Variants in SGCZ observed in about 807,000 individuals in gnomAD.
SGCZ encodes the protein sarcoglycan zeta.
SGCZ carries 40 observed loss-of-function variants against 41.3 expected under a neutral mutation model. That is an observed-to-expected ratio of 0.97 (90% CI 0.75 to 1.26). The LOEUF (loss-of-function observed/expected upper bound fraction) is 1.26, where lower values mean the gene tolerates loss of function less well. SGCZ is among the 50% of genes most tolerant of loss of function. The pLI is 0.00. For synonymous variants in SGCZ, 206 were observed against 137.5 expected (o/e 1.50, Z -3.49); for missense variants, 552 against 369.8 (o/e 1.49, Z -4.04).
At chr8:14,550,141 A>G (rs1253839090) in intron 2 of SGCZ, among the ~76,000 whole-genome samples, 1 of 152,040 alleles carries the variant, frequency 6.6e-6, no homozygotes, top group Non-Finnish European at 1.5e-5. Flanking sequence ...TAAACAACAG[A>G]AATATATTGG....
chr8:14,723,947 T>C (rs1203619642), intron 1 of SGCZ, among the ~76,000 whole-genome samples: 1 of 152,104 alleles, frequency 6.6e-6, no homozygotes, highest in Non-Finnish European at 1.5e-5. Flanking sequence ...AATATGATAA[T>C]GATGAGTTCT....
chr8:14,450,977 A>T (rs1039416103), intron 2 of SGCZ, among the ~76,000 whole-genome samples: 4 of 152,208 alleles, frequency 2.6e-5, no homozygotes, highest in Admixed American at 6.5e-5. Context: ...ATGGCCCATT[A>T]TGATTCAATG....
intron 2 of SGCZ, among the ~76,000 whole-genome samples, chr8:14,510,695 C>T (rs1802442688): frequency 6.6e-6 from 1 of 152,130 alleles, no homozygotes; most frequent in Non-Finnish European, 1.5e-5. Flanking sequence ...AATATTTCTC[C>T]TTGATTGACA....
intron 2 of SGCZ, among the ~76,000 whole-genome samples, chr8:14,346,170 C>T (rs764734998): frequency 5.3e-5 from 8 of 151,834 alleles, no homozygotes; most frequent in Admixed American, 2.0e-4. Flanking sequence ...TAATACAATA[C>T]GTTACTAATA....
intron 1 of SGCZ, among the ~76,000 whole-genome samples, chr8:15,149,543 C>T (rs192995653): frequency 3.6e-4 from 55 of 152,218 alleles, no homozygotes; most frequent in Middle Eastern, 3.4e-3. Context: ...TATGCTCTAG[C>T]CAACCCTCCT....
At chr8:15,042,989 G>T (rs1437472563) in intron 1 of SGCZ, among the ~76,000 whole-genome samples, 1 of 152,122 alleles carries the variant, frequency 6.6e-6, no homozygotes, top group Non-Finnish European at 1.5e-5. Flanking sequence ...AGAACTTCAT[G>T]ATTAGCTATT....
intron 1 of SGCZ, among the ~76,000 whole-genome samples, chr8:14,863,672 A>G (rs1328225128): frequency 6.6e-6 from 1 of 152,152 alleles, no homozygotes; most frequent in Non-Finnish European, 1.5e-5. Flanking sequence ...AGTAAATTCT[A>G]AGAACAGATA....
At chr8:14,125,559 G>C (rs999241627) in intron 5 of SGCZ, among the ~76,000 whole-genome samples, 4 of 149,556 alleles carry the variant, frequency 2.7e-5, no homozygotes, top group African/African-American at 9.8e-5. Context: ...ACTGCCCAAA[G>C]TAATTTACAG....
At chr8:14,396,637 A>G (rs11994850) in intron 2 of SGCZ, among the ~76,000 whole-genome samples, 25,534 of 151,868 alleles carry the variant, frequency 0.17, 5,060 homozygotes, top group African/African-American at 0.48. Flanking sequence ...CATCTAGACA[A>G]CCTGGTAGCT....
At chr8:14,408,974 T>C (rs1226488074) in intron 2 of SGCZ, among the ~76,000 whole-genome samples, 5 of 82,176 alleles carry the variant, frequency 6.1e-5, no homozygotes, top group Admixed American at 1.2e-4. Context: ...TGTGTGTGCA[T>C]GTGTGCGTGT....
At chr8:15,211,533 G>T (rs903011726) in intron 1 of SGCZ, among the ~76,000 whole-genome samples, 1 of 152,040 alleles carries the variant, frequency 6.6e-6, no homozygotes, top group African/African-American at 2.4e-5. Context: ...CAAAAGAGAA[G>T]GTCTCAGATA....
chr8:15,092,743 T>A (rs1184653337), intron 1 of SGCZ, among the ~76,000 whole-genome samples: 1 of 152,210 alleles, frequency 6.6e-6, no homozygotes, highest in Admixed American at 6.5e-5. Context: ...TTTTAATATC[T>A]CTCTATTACA....
intron 1 of SGCZ, among the ~76,000 whole-genome samples, chr8:15,179,103 G>C (rs1172240683): frequency 2.0e-5 from 3 of 151,754 alleles, no homozygotes; most frequent in Non-Finnish European, 4.4e-5. Context: ...AAACCTTCAG[G>C]AAAAAAGAAA....
Position 14,662,401 on chromosome 8 carries a change from A to G in SGCZ, c.40-107475T>C, listed in dbSNP as rs1261201304. 2.6e-5 allele frequency among the ~76,000 whole-genome samples: 4 copies of G among 152,196 alleles called. 1 individual carries two copies. In the South Asian group the frequency reaches 8.3e-4, roughly 31 times the overall value. On this transcript the variant is annotated intron_variant, in intron 1 of 7. Transcript: ENST00000382080. ...TGTTTTCCACATAAATGCTATCAGG[A>G]AAAAGGGAGATAAAGCACCCTTGTG...
Position 14,341,228 on chromosome 8 carries a change from C to A in SGCZ, c.235-17024G>T, listed in dbSNP as rs1456720378. Among the ~76,000 whole-genome samples, 4 of 152,170 alleles carry A rather than the reference C, an allele frequency of 2.6e-5. No individual in the cohort carries two copies. The East Asian group carries it at 7.7e-4, about 29-fold the overall frequency. On this transcript the variant is annotated intron_variant, in intron 2 of 7. Coordinates refer to ENST00000382080, the MANE Select transcript of SGCZ (RefSeq NM_139167.4). The stretch of plus-strand genomic sequence containing the variant: ...CATTTGAATATTGTGAATAACTTTG[C>A]TATGAACAGGGTGTACAAATATCTG...
chr8:14,518,482 T>C (rs1802691366), intron 2 of SGCZ, among the ~76,000 whole-genome samples: 1 of 152,162 alleles, frequency 6.6e-6, no homozygotes, highest in Non-Finnish European at 1.5e-5. Context: ...TGCCACTTAT[T>C]ATAATGTGAT....
intron 3 of SGCZ, among the ~76,000 whole-genome samples, chr8:14,279,166 G>A (rs985392061): frequency 1.3e-5 from 2 of 151,912 alleles, no homozygotes; most frequent in Non-Finnish European, 2.9e-5. Context: ...TTATTAAGAA[G>A]CTCAATAGGT....
At chr8:15,232,726 T>G (rs1260661151) in intron 1 of SGCZ, among the ~76,000 whole-genome samples, 1 of 147,148 alleles carries the variant, frequency 6.8e-6, no homozygotes, top group Non-Finnish European at 1.5e-5. Context: ...TGTGTATATA[T>G]ATACATATAT....
At position 15,151,662 on chromosome 8, in the gene SGCZ, CACAT is replaced by C. The variant is rs1268258046; in HGVS notation, c.39+85919_39+85922del. ...ATTTTCACTTGGATGTACATGTATA[CACAT>C]ACATAAAGAGCCAACTATATAATGA... On this transcript the variant is annotated intron_variant, in intron 1 of 7. Coordinates refer to ENST00000382080, the MANE Select transcript of SGCZ (RefSeq NM_139167.4). Among the ~76,000 whole-genome samples, 4 of 152,192 alleles carry C rather than the reference CACAT, an allele frequency of 2.6e-5. No homozygotes were observed. In the East Asian group the frequency reaches 7.7e-4, roughly 29 times the overall value.
Sources: gnomAD v4.1 joint callset for allele counts (sites outside exome capture counted in the v4.1 genomes callset) on GRCh38, gnomAD v4.1.1 for gene constraint, MANE v1.5 for transcripts, NCBI Gene and HGNC (gene_info 2026-07-23, HGNC 2026-07-21) for gene names.